Variants in PTPN4 observed in about 807,000 individuals in gnomAD.
The protein encoded by PTPN4 is tyrosine-protein phosphatase non-receptor type 4.
A neutral mutation model predicts 135.5 loss-of-function variants in PTPN4; 49 were observed. That is an observed-to-expected ratio of 0.36 (90% confidence interval 0.29 to 0.46). The LOEUF (loss-of-function observed/expected upper bound fraction) is 0.46, where lower values mean the gene tolerates loss of function less well. PTPN4 is among the 20% of genes least tolerant of loss of function. The pLI, the probability that PTPN4 is intolerant of heterozygous loss-of-function variation, is 1.00. For missense variants in PTPN4, 860 were observed against 1,101.0 expected (o/e 0.78, Z 3.10); for synonymous variants, 333 against 369.9 (o/e 0.90, Z 1.14).
chr2:119,935,860 T>C (rs1471842670), intron 15 of PTPN4, among the ~76,000 whole-genome samples: 1 of 152,136 alleles, frequency 6.6e-6, no homozygotes, highest in Admixed American at 6.5e-5. Context: ...GACATAAAAA[T>C]GAATCATATG....
At chr2:119,912,934 T>C (rs1402265087) in intron 10 of PTPN4, among the ~76,000 whole-genome samples, 1 of 152,186 alleles carries the variant, frequency 6.6e-6, no homozygotes, top group Non-Finnish European at 1.5e-5. Flanking sequence ...ATCATATATC[T>C]CTATAGATAT....
intron 10 of PTPN4, among the ~76,000 whole-genome samples, chr2:119,913,759 TA>T (rs200938660): frequency 6.6e-6 from 1 of 151,276 alleles, no homozygotes; most frequent in East Asian, 1.9e-4. Flanking sequence ...TTGTTCCAGT[TA>T]AAAAAAAATC....
At chr2:119,882,031 A>G (rs1274997130) in intron 6 of PTPN4, 66 bp from the exon 7 acceptor site, 4 of 1,419,616 alleles carry the variant, frequency 2.8e-6, no homozygotes, top group Admixed American at 1.7e-5. Context: ...TTGTTTAACA[A>G]ATTATAGCAC....
chr2:119,960,941 T>G lies in PTPN4; in HGVS notation c.2268T>G (p.Val756=), dbSNP rs780650475. Reference sequence around the variant, plus strand: ...TGGTTGTAATGTTGACCACACAAGTTGAACGTGGCAGAGTAAGTCATAGTT... The same window carrying G: ...TGGTTGTAATGTTGACCACACAAGTGGAACGTGGCAGAGTAAGTCATAGTT... ...SSMVVMLTTQ[V]ERGRVKCHQY... is the part of the protein sequence containing the mutation. Residue 756 remains valine, a synonymous_variant, in exon 23 of 27, where the codon GTT becomes GTG. Transcript: ENST00000263708. The G allele has an allele frequency of 3.1e-6, 5 of 1,612,330 alleles. No individual in the cohort carries two copies. Among genetic ancestry groups the G allele is most frequent in the Non-Finnish European group, 4.2e-6 (5 of 1,179,604 alleles).
rs1194518479 is a variant in PTPN4 at position 119,945,342 on chromosome 2, C to T, written c.1515+102C>T. On this transcript the variant is annotated intron_variant, in intron 16 of 26. Coordinates refer to ENST00000263708, the MANE Select transcript of PTPN4 (RefSeq NM_002830.4). ...CAGTTTTTAGTTGTAAGTTGTATTA[C>T]AGTACCTTCTCTTTTTCATCATATT... The T allele has an allele frequency of 7.9e-6, 8 of 1,006,948 alleles. No individual in the cohort carries two copies. The African/African-American group carries it at 1.2e-4, about 15-fold the overall frequency. 62.4% of individuals were successfully genotyped at this position (1,006,948 alleles called of 1,614,324 possible). A position where few individuals can be genotyped will look rare whatever the true frequency, so the allele number is the denominator to read the frequency against.
At chr2:119,839,625 A>G (rs1367865699) in intron 2 of PTPN4, among the ~76,000 whole-genome samples, 1 of 152,206 alleles carries the variant, frequency 6.6e-6, no homozygotes, top group African/African-American at 2.4e-5. Flanking sequence ...ACACTGATAT[A>G]AGACTGTAGA....
intron 26 of PTPN4, among the ~76,000 whole-genome samples, chr2:119,970,745 G>C (rs999842538): frequency 6.6e-6 from 1 of 151,978 alleles, no homozygotes; most frequent in Non-Finnish European, 1.5e-5. Flanking sequence ...CCACTTTTTG[G>C]TTATTATGAG....
intron 1 of PTPN4, among the ~76,000 whole-genome samples, chr2:119,778,381 A>G (rs1342234352): frequency 6.6e-6 from 1 of 152,216 alleles, no homozygotes; most frequent in Non-Finnish European, 1.5e-5. Context: ...ATTTCACTGA[A>G]TTATTTAGTT....
rs902922681 is a variant in PTPN4 at position 119,984,075 on chromosome 2, T to A, written c.*7005T>A. Among the ~76,000 whole-genome samples, 1 of 152,190 alleles carries A rather than the reference T, an allele frequency of 6.6e-6. No homozygotes were observed. Among genetic ancestry groups the A allele is most frequent in the African/African-American group, 2.4e-5 (1 of 41,452 alleles). On this transcript the variant is annotated 3_prime_UTR_variant, in exon 27 of 27. Coordinates refer to ENST00000263708, the MANE Select transcript of PTPN4 (RefSeq NM_002830.4). The stretch of plus-strand genomic sequence containing the variant: ...TTTTCTGCCAGTAGACTCTATCTGC[T>A]TAAAAAAATAAAAATTGTTCAACCC...
intron 19 of PTPN4, among the ~76,000 whole-genome samples, chr2:119,954,401 A>G (rs6728301): frequency 1.7e-3 from 253 of 152,262 alleles, no homozygotes; most frequent in African/African-American, 5.9e-3. Context: ...CTGGGTCCAG[A>G]TAACCCTGAG....
intron 22 of PTPN4, among the ~76,000 whole-genome samples, chr2:119,959,148 G>A (rs1331848106): frequency 6.6e-6 from 1 of 151,882 alleles, no homozygotes; most frequent in Non-Finnish European, 1.5e-5. Context: ...GCTGTTTTGA[G>A]GGTTATGAAT....
chr2:119,760,959 C>T (rs1031358851), intron 1 of PTPN4, among the ~76,000 whole-genome samples: 1 of 150,886 alleles, frequency 6.6e-6, no homozygotes, highest in South Asian at 2.1e-4. Flanking sequence ...CTTACAGTTG[C>T]ACAGGTGATG....
intron 1 of PTPN4, among the ~76,000 whole-genome samples, chr2:119,775,140 T>G (rs896704353): frequency 4.2e-5 from 6 of 141,254 alleles, no homozygotes; most frequent in Admixed American, 2.9e-4. Flanking sequence ...CAAAGGACAT[T>G]TATTAGTAAG....
intron 1 of PTPN4, among the ~76,000 whole-genome samples, chr2:119,805,824 A>T (rs1372716500): frequency 1.3e-5 from 2 of 152,152 alleles, no homozygotes; most frequent in African/African-American, 2.4e-5. Flanking sequence ...AAAGAAAATC[A>T]TTGTTAGCTT....
In PTPN4 at chr2:119,941,373, G is replaced by GT. The variant is rs201781005; in HGVS notation, c.1356-3707dup. 3.3e-5 allele frequency among the ~76,000 whole-genome samples: 5 copies of GT among 152,030 alleles called. No homozygotes were observed. In the East Asian group the frequency reaches 9.7e-4, roughly 29 times the overall value. On this transcript the variant is annotated intron_variant, in intron 15 of 26. Coordinates refer to ENST00000263708, the MANE Select transcript of PTPN4 (RefSeq NM_002830.4). ...TTTGCCCAATATTTGAATTTCAGGA[G>GT]TCTGTGTTGACATCCTTGATTACTT... is the stretch of plus-strand genomic sequence containing the variant.
intron 2 of PTPN4, among the ~76,000 whole-genome samples, chr2:119,814,390 C>T (rs1409576627): frequency 6.6e-6 from 1 of 152,146 alleles, no homozygotes; most frequent in Non-Finnish European, 1.5e-5. Context: ...GAGTAAATCT[C>T]CAGTTCCTAT....
intron 3 of PTPN4, among the ~76,000 whole-genome samples, chr2:119,868,625 C>T (rs113681104): frequency 0.029 from 4,403 of 152,224 alleles, 207 homozygotes; most frequent in African/African-American, 0.1. Flanking sequence ...GGCGGAAAAC[C>T]GCTTAAAGGC....
chr2:119,891,093 G>A (rs1353185446), intron 9 of PTPN4, among the ~76,000 whole-genome samples: 1 of 152,030 alleles, frequency 6.6e-6, no homozygotes, highest in East Asian at 1.9e-4. Context: ...ATCTGCTTGG[G>A]GGTACAAGTA....
Position 119,959,869 on chromosome 2 carries a change from C to T in PTPN4, c.2134-938C>T, listed in dbSNP as rs190619041. Among the ~76,000 whole-genome samples, 886 of 151,962 alleles carry T rather than the reference C, an allele frequency of 5.8e-3. 12 individuals carry two copies. The highest frequency in any genetic ancestry group is 0.02 in the African/African-American group (836 of 41,416). ...TTTACAGAAATAAAAAACATGAGGG[C>T]CTTAAATCTGCATTAAATATTTTCT... is the stretch of plus-strand genomic sequence containing the variant. On this transcript the variant is annotated intron_variant, in intron 22 of 26. Transcript: ENST00000263708.
Sources: allele counts gnomAD v4.1 joint callset (sites outside exome capture counted in the v4.1 genomes callset), GRCh38; gene constraint gnomAD v4.1.1; transcripts MANE v1.5; gene names NCBI Gene and HGNC (gene_info 2026-07-23, HGNC 2026-07-21).